Variants in FER1L6 observed in about 807,000 individuals in gnomAD.
The protein encoded by FER1L6 is fer-1-like protein 6.
In FER1L6, 177 loss-of-function variants were observed where a neutral mutation model predicts 219.2. That is an observed-to-expected ratio of 0.81 (90% CI 0.71 to 0.91). The LOEUF (loss-of-function observed/expected upper bound fraction) is 0.91. Among genes scored for constraint, FER1L6 ranks in the 40% least tolerant of loss-of-function variants. The pLI is 0.00. For synonymous variants in FER1L6, 768 were observed against 824.3 expected, an observed-to-expected ratio of 0.93 and a Z score of 1.17; for missense variants, 2,153 against 2,259.9, an observed-to-expected ratio of 0.95 and a Z score of 0.96.
At chr8:124,078,019 T>G (rs1366408780) in intron 32 of FER1L6, among the ~76,000 whole-genome samples, 2 of 152,160 alleles carry the variant, frequency 1.3e-5, no homozygotes, top group Non-Finnish European at 1.5e-5. Flanking sequence ...GCCTCTGACA[T>G]GGATTAGATG....
chr8:124,102,029 G>A (rs575366045), intron 38 of FER1L6, among the ~76,000 whole-genome samples: 1 of 152,284 alleles, frequency 6.6e-6, no homozygotes, highest in East Asian at 1.9e-4. Flanking sequence ...TTATGATAAG[G>A]GGTTGTGAAG....
chr8:124,031,374 C>T (rs1032539440), intron 18 of FER1L6, among the ~76,000 whole-genome samples: 2 of 152,060 alleles, frequency 1.3e-5, no homozygotes, highest in Non-Finnish European at 2.9e-5. Context: ...TGTAGAAATA[C>T]GATTCAGTAA....
chr8:124,042,750 G>A (rs756045039), intron 20 of FER1L6, among the ~76,000 whole-genome samples: 7 of 152,270 alleles, frequency 4.6e-5, no homozygotes, highest in Admixed American at 3.3e-4. Flanking sequence ...ACCTGACCAC[G>A]CGGGGCTCAG....
intron 21 of FER1L6, chr8:124,046,135 A>C: frequency 2.2e-6 from 1 of 447,504 alleles, no homozygotes; most frequent in South Asian, 3.7e-5. Context: ...TGGCAATTAA[A>C]ATTGGATCTG....
Position 124,114,055 on chromosome 8 carries a change from A to G in FER1L6, c.5290-4789A>G, listed in dbSNP as rs368383384. ...AACTACTGGCAATCTTAATTATTTCATTGGTTTTATAAAAATTTTTCTAAC... is the reference window on the plus strand; with the variant it reads ...AACTACTGGCAATCTTAATTATTTCGTTGGTTTTATAAAAATTTTTCTAAC... On this transcript the variant is annotated intron_variant, in intron 39 of 40. Coordinates refer to ENST00000522917, the MANE Select transcript of FER1L6 (RefSeq NM_001039112.2). 2.0e-5 allele frequency among the ~76,000 whole-genome samples: 3 copies of G among 152,234 alleles called. No individual in the cohort carries two copies. In the East Asian group the frequency reaches 5.8e-4, roughly 29 times the overall value.
intron 1 of FER1L6, among the ~76,000 whole-genome samples, chr8:123,923,534 G>A (rs1437696383): frequency 1.3e-5 from 2 of 152,174 alleles, no homozygotes; most frequent in African/African-American, 2.4e-5. Flanking sequence ...ATGCATAAGA[G>A]TAGCCAATTT....
chr8:123,872,049 G>T (rs940831926), intron 1 of FER1L6, among the ~76,000 whole-genome samples: 1 of 152,148 alleles, frequency 6.6e-6, no homozygotes, highest in African/African-American at 2.4e-5. Context: ...GCCTCAGGAA[G>T]CTTCCAAACA....
chr8:124,110,471 C>T lies in FER1L6; in HGVS notation c.5289+7162C>T, dbSNP rs150962976. On this transcript the variant is annotated intron_variant, in intron 39 of 40. Coordinates refer to ENST00000522917, the MANE Select transcript of FER1L6 (RefSeq NM_001039112.2). ...CATAGAAACAGAAGGGACATCCAAA[C>T]TGTCCTGGGGTTACCAGCCATCTTC... Among the ~76,000 whole-genome samples, 210 of 152,330 alleles carry T rather than the reference C, an allele frequency of 1.4e-3. 1 individual carries two copies. Among genetic ancestry groups the T allele is most frequent in the East Asian group, 0.01 (53 of 5,180 alleles).
At chr8:124,090,649 A>C (rs1456564420) in intron 33 of FER1L6, among the ~76,000 whole-genome samples, 1 of 152,208 alleles carries the variant, frequency 6.6e-6, no homozygotes, top group South Asian at 2.1e-4. Flanking sequence ...TCAGTGTCCC[A>C]ATGAGCAGAG....
At chr8:124,028,910 T>C (rs1259810608) in intron 18 of FER1L6, among the ~76,000 whole-genome samples, 2 of 152,318 alleles carry the variant, frequency 1.3e-5, no homozygotes, top group East Asian at 3.9e-4. Flanking sequence ...ATGTATTAGG[T>C]ATTTGTCCTA....
chr8:123,947,456 C>T (rs1371918341), intron 1 of FER1L6, among the ~76,000 whole-genome samples: 1 of 152,068 alleles, frequency 6.6e-6, no homozygotes, highest in East Asian at 1.9e-4. Context: ...TTATCTTTTG[C>T]CTGTGTTCTC....
At chr8:124,010,851 G>T (rs929250853) in intron 14 of FER1L6, 137 bp downstream of exon 14, 11 of 1,225,468 alleles carry the variant, frequency 9.0e-6, no homozygotes, top group Non-Finnish European at 2.3e-6. Context: ...TGGAGGGCAC[G>T]TGGATCCTAC....
intron 18 of FER1L6, among the ~76,000 whole-genome samples, chr8:124,029,923 T>G (rs764734780): frequency 2.0e-5 from 3 of 152,220 alleles, no homozygotes; most frequent in Non-Finnish European, 4.4e-5. Context: ...CTTTAATCCA[T>G]CTTGAGTTAA....
At chr8:124,019,309 T>C (rs1818348030) in intron 16 of FER1L6, among the ~76,000 whole-genome samples, 1 of 152,200 alleles carries the variant, frequency 6.6e-6, no homozygotes, top group African/African-American at 2.4e-5. Context: ...TGATGAATTC[T>C]ATTCACATTT....
At chr8:124,082,612 TG>T (rs894761429) in intron 33 of FER1L6, among the ~76,000 whole-genome samples, 154 bp downstream of exon 33, 1 of 152,084 alleles carries the variant, frequency 6.6e-6, no homozygotes, top group African/African-American at 2.4e-5. Flanking sequence ...AGAGCTGGCT[TG>T]GGGAAACTCT....
intron 21 of FER1L6, among the ~76,000 whole-genome samples, chr8:124,048,698 C>T (rs1020646445): frequency 1.3e-5 from 2 of 152,212 alleles, no homozygotes; most frequent in African/African-American, 4.8e-5. Flanking sequence ...TACTACATTC[C>T]TTTAGTTCTC....
chr8:124,032,262 TA>T (rs1819003036), intron 18 of FER1L6, among the ~76,000 whole-genome samples: 1 of 151,836 alleles, frequency 6.6e-6, no homozygotes, highest in Non-Finnish European at 1.5e-5. Flanking sequence ...CTATCTCTAC[TA>T]AAAATCCAAA....
intron 1 of FER1L6, among the ~76,000 whole-genome samples, chr8:123,912,369 T>C (rs2129773620): frequency 6.6e-6 from 1 of 152,238 alleles, no homozygotes. Context: ...AAGCTGACAT[T>C]TGTAACCACC....
At chr8:124,055,282 TAAAA>T (rs1820234335) in intron 22 of FER1L6, among the ~76,000 whole-genome samples, 1 of 151,932 alleles carries the variant, frequency 6.6e-6, no homozygotes, top group African/African-American at 2.4e-5. Flanking sequence ...CTACAAAAAA[TAAAA>T]AATTAGCTGG....
Sources: allele counts gnomAD v4.1 joint callset (sites outside exome capture counted in the v4.1 genomes callset), GRCh38; gene constraint gnomAD v4.1.1; transcripts MANE v1.5; gene names NCBI Gene and HGNC (gene_info 2026-07-23, HGNC 2026-07-21).